Variants in GRIN2B observed in about 807,000 individuals in gnomAD.
GRIN2B encodes the protein glutamate ionotropic receptor NMDA type subunit 2B.
In GRIN2B, 5 loss-of-function variants were observed where a neutral mutation model predicts 114.5. The ratio of observed to expected loss-of-function variants is 0.04; its 90% confidence interval spans 0.02 to 0.09. The LOEUF (loss-of-function observed/expected upper bound fraction) is 0.09. Ranked by LOEUF, GRIN2B falls within the 10% of genes least tolerant of loss-of-function variation. The pLI, the probability that GRIN2B is intolerant of heterozygous loss-of-function variation, is 1.00. For missense variants in GRIN2B, 1,108 were observed against 1,943.5 expected, an observed-to-expected ratio of 0.57 and a Z score of 8.08; for synonymous variants, 787 against 745.1, an observed-to-expected ratio of 1.06 and a Z score of -0.92.
At chr12:13,766,191 G>GTATT (rs1863783222) in intron 3 of GRIN2B, among the ~76,000 whole-genome samples, 1 of 152,136 alleles carries the variant, frequency 6.6e-6, no homozygotes, top group African/African-American at 2.4e-5. Flanking sequence ...GTAGGAAGTA[G>GTATT]AAATGAAGTA....
rs567289940 is a variant in GRIN2B, at chr12:13,955,636, C to A, written c.-19+24292G>T. Reference sequence around the variant, plus strand: ...CCAAATAATTTTGAGATGAAATGAGCAGAATTCATCATGTACACTGGAGCC... The same window carrying A: ...CCAAATAATTTTGAGATGAAATGAGAAGAATTCATCATGTACACTGGAGCC... On this transcript the variant is annotated intron_variant, in intron 2 of 13. Coordinates refer to ENST00000609686, the MANE Select transcript of GRIN2B (RefSeq NM_000834.5). Among the ~76,000 whole-genome samples, 6 of 152,246 alleles carry A rather than the reference C, an allele frequency of 3.9e-5. No homozygotes were observed. In the South Asian group the frequency reaches 1.2e-3, roughly 32 times the overall value.
At chr12:13,750,855 G>A (rs907400450) in intron 4 of GRIN2B, among the ~76,000 whole-genome samples, 7 of 152,286 alleles carry the variant, frequency 4.6e-5, no homozygotes, top group African/African-American at 1.7e-4. Flanking sequence ...GAGCTCACAG[G>A]GAAGGGAGAT....
intron 5 of GRIN2B, among the ~76,000 whole-genome samples, chr12:13,620,866 A>ATT (rs55658314): frequency 1.4e-5 from 2 of 145,078 alleles, no homozygotes; most frequent in Non-Finnish European, 3.0e-5. Flanking sequence ...TAAAGTCGTT[A>ATT]TTTTTTTTTT....
At chr12:13,819,608 C>A (rs1482434713) in intron 3 of GRIN2B, among the ~76,000 whole-genome samples, 2 of 152,132 alleles carry the variant, frequency 1.3e-5, no homozygotes, top group African/African-American at 4.8e-5. Context: ...GTGTCTGGGG[C>A]AAGATGCTAT....
chr12:13,605,552 G>GACACACACACACACACAC (rs66916614), intron 10 of GRIN2B, among the ~76,000 whole-genome samples: 7 of 129,712 alleles, frequency 5.4e-5, no homozygotes, highest in Admixed American at 1.6e-4. Flanking sequence ...CTCTCTCTCT[G>GACACACACACACACACAC]ACACACACAC....
rs1294340110 is a variant in GRIN2B at position 13,560,331 on chromosome 12, C to CA, written c.*2451dup. 1 of 152,020 alleles carries CA rather than the reference C, an allele frequency of 6.6e-6. No homozygotes were observed. Among genetic ancestry groups the CA allele is most frequent in the Non-Finnish European group, 1.5e-5 (1 of 67,900 alleles). The allele number at this position is 152,020 out of a possible 1,614,324, so 9.4% of individuals were successfully genotyped here. ...TTCCCTCTCATTCCCATCACCACCC[C>CA]ACTCCCTCCAGCCCAACACCCTGAA... On this transcript the variant is annotated 3_prime_UTR_variant, in exon 14 of 14. Transcript: ENST00000609686.
chr12:13,772,002 TC>T (rs1272299994), intron 3 of GRIN2B, among the ~76,000 whole-genome samples: 8 of 152,252 alleles, frequency 5.3e-5, no homozygotes, highest in Non-Finnish European at 1.0e-4. Context: ...TTTAGGTCAT[TC>T]ACTCAGCTGG....
intron 5 of GRIN2B, among the ~76,000 whole-genome samples, chr12:13,660,506 C>A (rs1377905836): frequency 1.3e-5 from 2 of 152,132 alleles, no homozygotes; most frequent in African/African-American, 4.8e-5. Flanking sequence ...ATACAGGCAG[C>A]AAAAGCAATG....
chr12:13,603,031 A>G lies in GRIN2B; in HGVS notation c.2010+5572T>C, dbSNP rs114776746. On this transcript the variant is annotated intron_variant, in intron 10 of 13. Transcript: ENST00000609686. ...TGTGGGCTTCCTCCAATCTGACCCC[A>G]GACCCCACTGACCCCCTAACTGTCC... Among the ~76,000 whole-genome samples the G allele has an allele frequency of 7.9e-3, 1,195 of 152,194 alleles. 20 individuals are homozygous for G. Among genetic ancestry groups the G allele is most frequent in the African/African-American group, 0.027 (1,133 of 41,542 alleles).
chr12:13,955,411 C>G (rs1195877187), intron 2 of GRIN2B, among the ~76,000 whole-genome samples: 4 of 152,232 alleles, frequency 2.6e-5, no homozygotes, highest in Admixed American at 2.0e-4. Context: ...ACAGAAAGGA[C>G]AGAAGACTCA....
At chr12:13,788,005 C>A (rs986452229) in intron 3 of GRIN2B, among the ~76,000 whole-genome samples, 13 of 152,156 alleles carry the variant, frequency 8.5e-5, no homozygotes, top group Non-Finnish European at 1.8e-4. Context: ...GGGGCATAAG[C>A]CAATGGAGCC....
At chr12:13,755,585 G>A (rs1298955917) in intron 3 of GRIN2B, among the ~76,000 whole-genome samples, 1 of 152,130 alleles carries the variant, frequency 6.6e-6, no homozygotes, top group African/African-American at 2.4e-5. Flanking sequence ...GAATAGGTGA[G>A]TAGAAAAAAG....
chr12:13,542,446 C>T lies in GRIN2B; in HGVS notation c.*20337G>A, dbSNP rs1199430728. On this transcript the variant is annotated 3_prime_UTR_variant, in exon 14 of 14. Transcript: ENST00000609686. ...TGACATCTATAAAAACATGTTGTGGCCTATCACAGTTAGCAGTGGGGTTTT... is the reference window on the plus strand; with the variant it reads ...TGACATCTATAAAAACATGTTGTGGTCTATCACAGTTAGCAGTGGGGTTTT... The T allele has an allele frequency of 6.6e-6, 1 of 152,086 alleles. No homozygotes were observed. Among genetic ancestry groups the T allele is most frequent in the African/African-American group, 2.4e-5 (1 of 41,400 alleles). 9.4% of individuals were successfully genotyped at this position (152,086 alleles called of 1,614,324 possible).
At chr12:13,800,647 C>T (rs1257208797) in intron 3 of GRIN2B, among the ~76,000 whole-genome samples, 3 of 152,170 alleles carry the variant, frequency 2.0e-5, no homozygotes, top group East Asian at 3.8e-4. Flanking sequence ...ATGAACATGG[C>T]ATCCTTGTTC....
At chr12:13,743,994 G>A (rs1863329097) in intron 4 of GRIN2B, among the ~76,000 whole-genome samples, 1 of 152,146 alleles carries the variant, frequency 6.6e-6, no homozygotes, top group South Asian at 2.1e-4. Context: ...CCTGTTGCTT[G>A]TCAGGGGAGA....
At chr12:13,762,522 C>G (rs1483922882) in intron 3 of GRIN2B, among the ~76,000 whole-genome samples, 1 of 152,236 alleles carries the variant, frequency 6.6e-6, no homozygotes, top group Non-Finnish European at 1.5e-5. Flanking sequence ...ACATTCCCAT[C>G]TCTTCAAACA....
At chr12:13,736,136 G>GGGGA (rs1863177197) in intron 4 of GRIN2B, among the ~76,000 whole-genome samples, 1 of 25,898 alleles carries the variant, frequency 3.9e-5, no homozygotes, top group Admixed American at 3.3e-4. Context: ...ATAGAAAAGC[G>GGGGA]GGGGGGGGGG....
intron 2 of GRIN2B, among the ~76,000 whole-genome samples, chr12:13,939,464 C>T (rs750633371): frequency 1.3e-5 from 2 of 151,758 alleles, no homozygotes; most frequent in South Asian, 2.1e-4. Context: ...CCACATAACA[C>T]GCCTGTTTCC....
chr12:13,616,412 T>A (rs1565478100), intron 6 of GRIN2B, 43 bp downstream of exon 6: 1 of 1,450,528 alleles, frequency 6.9e-7, no homozygotes, highest in East Asian at 2.3e-5. Context: ...GCATCAAAGC[T>A]GACTCTCCCA....
Sources: gnomAD v4.1 joint callset for allele counts (sites outside exome capture counted in the v4.1 genomes callset) on GRCh38, gnomAD v4.1.1 for gene constraint, MANE v1.5 for transcripts, NCBI Gene and HGNC (gene_info 2026-07-23, HGNC 2026-07-21) for gene names.